Variants in PAICS observed in about 807,000 individuals in gnomAD.
PAICS encodes the protein phosphoribosylaminoimidazole carboxylase and phosphoribosylaminoimidazolesuccinocarboxamide synthase, also known as bifunctional phosphoribosylaminoimidazole carboxylase/phosphoribosylaminoimidazole succinocarboxamide synthetase.
A neutral mutation model predicts 53.7 loss-of-function variants in PAICS; 33 were observed. The ratio of observed to expected loss-of-function variants is 0.61; its 90% CI spans 0.47 to 0.82. The LOEUF (loss-of-function observed/expected upper bound fraction) is 0.82. Ranked by LOEUF, PAICS falls within the 40% of genes least tolerant of loss-of-function variation. The pLI is 0.00. For missense variants in PAICS, 394 were observed against 494.1 expected (o/e 0.80, Z 1.92); for synonymous variants, 141 against 167.2 (o/e 0.84, Z 1.21).
chr4:56,417,104 C>A, the PAICS span, among the ~76,000 whole-genome samples: 1 of 152,206 alleles, frequency 6.6e-6, no homozygotes, highest in Non-Finnish European at 1.5e-5. Flanking sequence ...CCGCCTCGGC[C>A]TCCCAAATTG....
At chr4:56,455,313 C>G (rs983632952) in intron 8 of PAICS, among the ~76,000 whole-genome samples, 2 of 152,296 alleles carry the variant, frequency 1.3e-5, no homozygotes, top group African/African-American at 2.4e-5. Context: ...AGGAGATTTG[C>G]TTTATTACTA....
chr4:56,451,581 A>G (rs1718919056), intron 6 of PAICS, among the ~76,000 whole-genome samples: 1 of 152,180 alleles, frequency 6.6e-6, no homozygotes, highest in Non-Finnish European at 1.5e-5. Flanking sequence ...AGGATGAAAT[A>G]TTTTGTATTA....
At position 56,464,182 on chromosome 4, in the gene PAICS, C is replaced by T. The variant is rs1249799833; in HGVS notation, c.*4644C>T. 5.9e-5 allele frequency: 9 copies of T among 152,192 alleles called. No individual in the cohort carries two copies. Among genetic ancestry groups the T allele is most frequent in the African/African-American group, 2.2e-4 (9 of 41,432 alleles). The allele number at this position is 152,192 out of a possible 1,614,324, so 9.4% of individuals were successfully genotyped here. ...CCTCCATTTTGCAGAGCCAATTTCT[C>T]ATAATCTGTACATATCCTATTGGTT... On this transcript the variant is annotated 3_prime_UTR_variant, in exon 9 of 9. Transcript: ENST00000512576.
At chr4:56,432,941 A>T (rs1168424413), upstream of PAICS, among the ~76,000 whole-genome samples, 1 of 151,278 alleles carries the variant, frequency 6.6e-6, no homozygotes, top group African/African-American at 2.4e-5. Context: ...TCTGCAACAG[A>T]CCACCACTTC....
chr4:56,436,867 C>T (rs1032076440), intron 1 of PAICS, among the ~76,000 whole-genome samples: 2 of 127,722 alleles, frequency 1.6e-5, no homozygotes, highest in Admixed American at 8.5e-5. Flanking sequence ...CGTGGTGGCG[C>T]GCGCCTGTAA....
chr4:56,438,378 T>TATATATATATATATATATATATATATAA (rs1373506517), intron 1 of PAICS, among the ~76,000 whole-genome samples: 97 of 64,290 alleles, frequency 1.5e-3, no homozygotes, highest in Admixed American at 4.2e-3. Context: ...TGTTTATATA[T>TATATATATATATATATATATATATATAA]ATATATATAT....
chr4:56,448,447 T>C lies in PAICS; in HGVS notation c.423T>C (p.Ser141=). The change falls in exon 4 of 9, where the codon TCT becomes TCC. Residue 141 remains serine, a synonymous_variant. Coordinates refer to ENST00000512576, the MANE Select transcript of PAICS (RefSeq NM_001079524.2). ...ATGCCAATAATGACCCACAGTGGTC[T>C]GAGGAACAGCTGATTGCTGCAAAAT... ...KDDANNDPQW[S]EEQLIAAKFC... is the part of the protein sequence containing the mutation. The C allele has an allele frequency of 6.2e-7, 1 of 1,609,140 alleles. No homozygotes were observed. The highest frequency in any genetic ancestry group is 8.5e-7 in the Non-Finnish European group (1 of 1,176,720).
At chr4:56,428,969 G>T in the PAICS span, 1 of 979,376 alleles carries the variant, frequency 1.0e-6, no homozygotes, top group Non-Finnish European at 1.2e-6. Flanking sequence ...CAAAAGCCAA[G>T]GAACTTTGAG....
At chr4:56,417,024 T>C in the PAICS span, among the ~76,000 whole-genome samples, 3 of 152,134 alleles carry the variant, frequency 2.0e-5, no homozygotes, top group Non-Finnish European at 4.4e-5. Context: ...TAATTTTGTA[T>C]ATTTAGTAGA....
the PAICS span, among the ~76,000 whole-genome samples, chr4:56,415,742 T>C: frequency 6.6e-6 from 1 of 152,114 alleles, no homozygotes; most frequent in Admixed American, 6.6e-5. Context: ...GCCTACTCTG[T>C]TAGAGCACCC....
At chr4:56,422,440 C>CTT in the PAICS span, 3 of 148,708 alleles carry the variant, frequency 2.0e-5, no homozygotes, top group Non-Finnish European at 4.4e-5. Context: ...AAAACAAGGT[C>CTT]TTGACACACA....
chr4:56,427,568 A>C, the PAICS span, among the ~76,000 whole-genome samples: 1 of 151,660 alleles, frequency 6.6e-6, no homozygotes, highest in Non-Finnish European at 1.5e-5. Flanking sequence ...GCTACTTGGG[A>C]GGCTGAGGCA....
the PAICS span, chr4:56,425,518 T>C: frequency 4.4e-6 from 1 of 229,118 alleles, no homozygotes; most frequent in Non-Finnish European, 7.2e-6. Context: ...TTTTCTAATT[T>C]GTACTGTTGG....
At chr4:56,453,458 G>A (rs1719019354) in intron 7 of PAICS, 145 bp from the exon 8 acceptor site, 2 of 508,928 alleles carry the variant, frequency 3.9e-6, no homozygotes, top group Non-Finnish European at 7.0e-6. Flanking sequence ...TGTAATAATA[G>A]TATCTTTTAT....
chr4:56,421,221 T>A, the PAICS span: 1 of 154,640 alleles, frequency 6.5e-6, no homozygotes, highest in Non-Finnish European at 1.4e-5. Context: ...TATGAGAATC[T>A]AATGCCTGAT....
At chr4:56,432,100 G>A (rs1717615435), upstream of PAICS, among the ~76,000 whole-genome samples, 1 of 152,154 alleles carries the variant, frequency 6.6e-6, no homozygotes, top group Admixed American at 6.5e-5. Context: ...TATATGAAAT[G>A]GCTAATATAC....
rs1293664218 is a variant in PAICS, at chr4:56,463,202, T to TG, written c.*3668dup. ...TCCAGCTTCCCACACCTCAAATACT[T>TG]GGGGTGGAATTGTTAATCTCACATT... is the stretch of plus-strand genomic sequence containing the variant. On this transcript the variant is annotated 3_prime_UTR_variant, in exon 9 of 9. Coordinates refer to ENST00000512576, the MANE Select transcript of PAICS (RefSeq NM_001079524.2). 1.3e-5 allele frequency: 2 copies of TG among 152,006 alleles called. No homozygotes were observed. Among genetic ancestry groups the TG allele is most frequent in the Non-Finnish European group, 2.9e-5 (2 of 68,016 alleles). 9.4% of individuals were successfully genotyped at this position (152,006 alleles called of 1,614,324 possible).
intron 7 of PAICS, 70 bp downstream of exon 7, chr4:56,452,122 T>C: frequency 1.0e-6 from 1 of 953,596 alleles, no homozygotes; most frequent in South Asian, 1.7e-5. Context: ...CACTTTAGAC[T>C]AATAATGCTG....
chr4:56,418,310 CTTATT>C, the PAICS span, among the ~76,000 whole-genome samples: 18 of 152,052 alleles, frequency 1.2e-4, no homozygotes, highest in African/African-American at 1.9e-4. Flanking sequence ...TTTTAAAAAA[CTTATT>C]TTATTTTATT....
Sources: allele counts gnomAD v4.1 joint callset (sites outside exome capture counted in the v4.1 genomes callset), GRCh38; gene constraint gnomAD v4.1.1; transcripts MANE v1.5; gene names NCBI Gene and HGNC (gene_info 2026-07-23, HGNC 2026-07-21).